PSG7: variants seen among roughly 807,000 people sequenced by gnomAD.
The protein encoded by PSG7 is pregnancy specific beta-1-glycoprotein 7, also known as pregnancy-specific beta-1-glycoprotein 7.
PSG7 carries 57 observed loss-of-function variants against 45.6 expected under a neutral mutation model. That is an observed-to-expected ratio of 1.25 (90% CI 1.01 to 1.56). PSG7 has a LOEUF of 1.56. Among genes scored for constraint, PSG7 ranks in the 40% most tolerant of loss-of-function variants. The probability of loss-of-function intolerance (pLI) is 0.00; values close to 1 mark genes in which losing one functional copy is unlikely to be tolerated. For missense variants in PSG7, 796 were observed against 508.4 expected, an observed-to-expected ratio of 1.57 and a Z score of -5.44; for synonymous variants, 298 against 194.4, an observed-to-expected ratio of 1.53 and a Z score of -4.43.
At chr19:42,935,832 C>T (rs1973139425) in intron 1 of PSG7, 63 bp from the exon 2 acceptor site, 1 of 1,539,524 alleles carries the variant, frequency 6.5e-7, no homozygotes, top group Non-Finnish European at 8.7e-7. Context: ...AAAGATGGGC[C>T]CCTGGGTCCT....
intron 3 of PSG7, among the ~76,000 whole-genome samples, chr19:42,928,804 C>T (rs764439023): frequency 1.3e-5 from 2 of 151,430 alleles, no homozygotes; most frequent in Non-Finnish European, 2.9e-5. Context: ...CTATGATCCT[C>T]TTGATTATGA....
At chr19:42,933,307 A>ATATATATATATTTTTTTTTT (rs56691588) in intron 2 of PSG7, among the ~76,000 whole-genome samples, 1 of 13,502 alleles carries the variant, frequency 7.4e-5, no homozygotes, top group Non-Finnish European at 1.6e-4. Context: ...ATATATATAT[A>ATATATATATATTTTTTTTTT]TTTTTTTTTT....
At chr19:42,936,627 C>A (rs751177284) in intron 1 of PSG7, 8 of 208,108 alleles carry the variant, frequency 3.8e-5, no homozygotes, top group African/African-American at 1.4e-4. Flanking sequence ...TCCAACAGAG[C>A]CTTCTTTCCT....
rs566751629 is a variant in PSG7 at position 42,932,056 on chromosome 19, C to G, written c.431-2336G>C. ...TTTTTTTTTCTGAGACAGAGTCTCT[C>G]TTTGTCACCCAGGCTGGAGTGCAGT... On this transcript the variant is annotated intron_variant, in intron 2 of 5. Coordinates refer to ENST00000406070, the MANE Select transcript of PSG7 (RefSeq NM_002783.3). 2.6e-5 allele frequency among the ~76,000 whole-genome samples: 4 copies of G among 151,352 alleles called. No individual in the cohort carries two copies. The East Asian group carries it at 7.8e-4, about 29-fold the overall frequency.
At position 42,926,020 on chromosome 19, in the gene PSG7, TG is replaced by T; in HGVS notation, c.995del (p.Pro332GlnfsTer78). The T allele has an allele frequency of 1.2e-6, 2 of 1,611,582 alleles. No individual in the cohort carries two copies. Among genetic ancestry groups the T allele is most frequent in the Non-Finnish European group, 1.7e-6 (2 of 1,178,754 alleles). Reference sequence around the variant, plus strand: ...ATGAAGGGTAAATTCTGGGGAGGTCTGGACCATCTGGAGGAAAGAGAATAAA... The same window carrying T: ...ATGAAGGGTAAATTCTGGGGAGGTCTGACCATCTGGAGGAAAGAGAATAAA... ...DPVTLNVLYGPDLPRIYPSFT... is the reference protein window; with the variant it reads ...DPVTLNVLYGXDLPRIYPSFT... On this transcript the variant is annotated frameshift_variant, in exon 5 of 6. Coordinates refer to ENST00000406070, the MANE Select transcript of PSG7 (RefSeq NM_002783.3). LOFTEE classifies it high-confidence loss of function.
rs544491212 is a variant in PSG7 at position 42,925,861 on chromosome 19, A to T, written c.1155T>A (p.Thr385=). The T allele has an allele frequency of 6.2e-7, 1 of 1,612,100 alleles. No homozygotes were observed. Among genetic ancestry groups the T allele is most frequent in the South Asian group, 1.1e-5 (1 of 90,622 alleles). The change falls in exon 5 of 6, where the codon ACT becomes ACA. Residue 385 remains threonine (T), a synonymous_variant. Transcript: ENST00000406070. ...SGQKLSIPQI[T]TKHSGLYACS... is the part of the protein sequence containing the mutation. ...AAGCATAGAGCCCGCTATGCTTTGT[A>T]GTAATCTGGGGGATAGAAAGCTTTT...
chr19:42,926,107 A>G, intron 4 of PSG7, 80 bp from the exon 5 acceptor site: 1 of 1,560,502 alleles, frequency 6.4e-7, no homozygotes, highest in African/African-American at 1.4e-5. Flanking sequence ...GGACAGAGTG[A>G]CCCTCTGAGC....
At position 42,928,027 on chromosome 19, in the gene PSG7, A is replaced by AGATT. The variant is rs1304740241; in HGVS notation, c.710-1315_710-1312dup. Among the ~76,000 whole-genome samples the AGATT allele has an allele frequency of 5.3e-5, 8 of 151,804 alleles. 1 individual carries two copies. Among genetic ancestry groups the AGATT allele is most frequent in the Admixed American group, 1.3e-4 (2 of 15,192 alleles). On this transcript the variant is annotated intron_variant, in intron 3 of 5. Transcript: ENST00000406070. Reference sequence around the variant, plus strand: ...TCAGTGAGCATTTCTTTTCAGCATCAGATTAGTAGGCATAAGTGGGAGGTG... The same window carrying AGATT: ...TCAGTGAGCATTTCTTTTCAGCATCAGATTGATTAGTAGGCATAAGTGGGAGGTG...
rs1973130810 is a variant in PSG7 at position 42,935,584 on chromosome 19, C to T, written c.250G>A (p.Val84Ile). ...CCATATTTAATTATTTGACCGTCTA[C>T]TATATATGATGTAACATAATGGTAG... is the stretch of plus-strand genomic sequence containing the variant. ...DLYHYVTSYI[V>I]DGQIIKYGPA... is the part of the protein sequence containing the mutation. The change falls in exon 2 of 6, where the codon GTA becomes ATA. Residue 84 changes from valine (V) to isoleucine (I), a missense_variant. Val to Ile is a conservative substitution (Grantham distance 29, BLOSUM62 3). Transcript: ENST00000406070. 2 of 1,611,954 alleles carry T rather than the reference C, an allele frequency of 1.2e-6. No homozygotes were observed. Among genetic ancestry groups the T allele is most frequent in the South Asian group, 1.1e-5 (1 of 90,806 alleles).
chr19:42,926,564 G>T lies in PSG7; in HGVS notation c.862C>A (p.Arg288=), dbSNP rs200153986. 2 of 1,610,230 alleles carry T rather than the reference G, an allele frequency of 1.2e-6. No individual in the cohort carries two copies. The highest frequency in any genetic ancestry group is 2.7e-5 in the African/African-American group (2 of 74,540). Residue 288 remains arginine, a synonymous_variant, in exon 4 of 6, where the codon CGA becomes AGA. Coordinates refer to ENST00000406070, the MANE Select transcript of PSG7 (RefSeq NM_002783.3). The part of the protein sequence containing the change: ...QSLPVSPRVK[R]RIENRILILP... Reference sequence around the variant, plus strand: ...ATGAGGATCCTGTTTTCAATGCGTCGCTTTACCCTGGGACTGACCGGGAGG... The same window carrying T: ...ATGAGGATCCTGTTTTCAATGCGTCTCTTTACCCTGGGACTGACCGGGAGG...
chr19:42,933,263 T>G (rs1973059264), intron 2 of PSG7, among the ~76,000 whole-genome samples: 1 of 45,700 alleles, frequency 2.2e-5, no homozygotes, highest in Non-Finnish European at 4.7e-5. Context: ...AAATCACCAT[T>G]TCAATATATA....
chr19:42,929,523 A>T lies in PSG7; in HGVS notation c.628T>A (p.Tyr210Asn). The change falls in exon 3 of 6, where the codon TAT becomes AAT. Residue 210 changes from tyrosine to asparagine, a missense_variant. Transcript: ENST00000406070. ...RTLYLFGVTN[Y>N]TAGPYECEIR... is the part of the protein sequence containing the mutation. ...TCACATTCATAGGGTCCTGCAGTATAGTTTGTGACACCAAATAGGTAGAGG... is the reference window on the plus strand; with the variant it reads ...TCACATTCATAGGGTCCTGCAGTATTGTTTGTGACACCAAATAGGTAGAGG... The T allele has an allele frequency of 6.2e-7, 1 of 1,612,600 alleles. No individual in the cohort carries two copies. The highest frequency in any genetic ancestry group is 8.5e-7 in the Non-Finnish European group (1 of 1,179,240).
chr19:42,935,637 A>G lies in PSG7; in HGVS notation c.197T>C (p.Ile66Thr), dbSNP rs573364900. ...HNLPQNLTGY[I>T]WYKGQIRDLY... ...GTCCCTGATTTGTCCTTTGTACCAG[A>G]TGTAGCCAGTAAGATTCTGGGGCAA... Residue 66 changes from isoleucine (I) to threonine (T), a missense_variant, in exon 2 of 6, where the codon ATC becomes ACC. By Grantham distance (89) the Ile-to-Thr change is moderately conservative (BLOSUM62 -1). Coordinates refer to ENST00000406070, the MANE Select transcript of PSG7 (RefSeq NM_002783.3). 1.7e-5 allele frequency: 27 copies of G among 1,612,124 alleles called. 3 individuals are homozygous for G. The South Asian group carries it at 3.0e-4, about 18-fold the overall frequency.
rs376965921 is a variant in PSG7, at chr19:42,929,702, G to C, written c.449C>G (p.Ser150Cys). Residue 150 changes from serine (S) to cysteine (C), a missense_variant, in exon 3 of 6, where the codon TCC becomes TGC. Ser to Cys is a moderately radical substitution (Grantham distance 112). Transcript: ENST00000406070. ...GGGGTTGAAATTGCTGCTGGAGATG[G>C]AGGGTTTGGGAGTCTCCACTGTGCG... is the stretch of plus-strand genomic sequence containing the variant. ...FTLYLETPKP[S>C]ISSSNFNPRE... The C allele has an allele frequency of 3.1e-6, 5 of 1,612,202 alleles. No homozygotes were observed. The highest frequency in any genetic ancestry group is 1.7e-5 in the Admixed American group (1 of 59,890).
intron 3 of PSG7, chr19:42,929,165 C>G: frequency 7.2e-6 from 5 of 694,708 alleles, no homozygotes; most frequent in Non-Finnish European, 1.1e-5. Context: ...GCCAAATCCC[C>G]GCTGTGTTCA....
chr19:42,932,205 A>G (rs1973035816), intron 2 of PSG7, among the ~76,000 whole-genome samples: 2 of 151,344 alleles, frequency 1.3e-5, no homozygotes, highest in African/African-American at 4.9e-5. Flanking sequence ...TTGTATTTTT[A>G]GTAGAGACGG....
intron 3 of PSG7, 90 bp from the exon 4 acceptor site, chr19:42,926,806 G>T: frequency 6.4e-7 from 1 of 1,558,950 alleles, no homozygotes; most frequent in Non-Finnish European, 8.7e-7. Context: ...TCTCCCACCT[G>T]TCAACACGTG....
chr19:42,936,748 T>G (rs10410940), intron 1 of PSG7, among the ~76,000 whole-genome samples: 3 of 150,830 alleles, frequency 2.0e-5, no homozygotes, highest in African/African-American at 4.9e-5. Flanking sequence ...CCCGGGTTCA[T>G]GTGATTCTCC....
intron 5 of PSG7, 117 bp downstream of exon 5, chr19:42,925,656 A>G: frequency 6.4e-7 from 1 of 1,570,718 alleles, no homozygotes; most frequent in African/African-American, 1.4e-5. Flanking sequence ...AAAATTTGGG[A>G]TTTGCTTGTG....
Sources: gnomAD v4.1 joint callset for allele counts (sites outside exome capture counted in the v4.1 genomes callset) on GRCh38, gnomAD v4.1.1 for gene constraint, MANE v1.5 for transcripts, NCBI Gene and HGNC (gene_info 2026-07-23, HGNC 2026-07-21) for gene names.